The following SMURF1 variants were observed in gnomAD, a reference collection of about 807,000 sequenced individuals.
The protein encoded by SMURF1 is E3 ubiquitin-protein ligase SMURF1.
Under a neutral mutation model 98.0 loss-of-function variants are expected in SMURF1, and 44 were observed. The observed-to-expected ratio is 0.45, with a 90% CI of 0.35 to 0.58. The LOEUF (loss-of-function observed/expected upper bound fraction) is 0.58. Ranked by LOEUF, SMURF1 falls within the 20% of genes least tolerant of loss-of-function variation. SMURF1 has a pLI of 0.00. For synonymous variants in SMURF1, 396 were observed against 374.9 expected (o/e 1.06, Z -0.65); for missense variants, 687 against 938.4 (o/e 0.73, Z 3.50).
At chr7:99,079,345 G>C (rs991314404) in intron 1 of SMURF1, among the ~76,000 whole-genome samples, 1 of 152,196 alleles carries the variant, frequency 6.6e-6, no homozygotes, top group African/African-American at 2.4e-5. Flanking sequence ...AGAACACAGC[G>C]TGTCCGGTAC....
chr7:99,080,480 G>A (rs1796556596), intron 1 of SMURF1, among the ~76,000 whole-genome samples: 1 of 152,086 alleles, frequency 6.6e-6, no homozygotes, highest in Non-Finnish European at 1.5e-5. Flanking sequence ...TGTATTTTTA[G>A]TAGAGATGGG....
intron 1 of SMURF1, among the ~76,000 whole-genome samples, chr7:99,116,640 A>G (rs1797462158): frequency 6.6e-6 from 1 of 152,248 alleles, no homozygotes; most frequent in Non-Finnish European, 1.5e-5. Flanking sequence ...TAAAATACTT[A>G]GAAATAAACT....
intron 9 of SMURF1, 94 bp from the exon 10 acceptor site, chr7:99,047,976 G>A (rs1795637388): frequency 3.5e-6 from 4 of 1,140,906 alleles, no homozygotes; most frequent in East Asian, 4.7e-5. Flanking sequence ...GAGAGAGCTA[G>A]CTGCACACAA....
chr7:99,104,488 G>T (rs989840195), intron 1 of SMURF1, among the ~76,000 whole-genome samples: 1 of 152,082 alleles, frequency 6.6e-6, no homozygotes, highest in Non-Finnish European at 1.5e-5. Context: ...GTGATCTTGG[G>T]CAAGAGTCAA....
At chr7:99,079,060 C>G (rs1428952673) in intron 1 of SMURF1, among the ~76,000 whole-genome samples, 1 of 152,186 alleles carries the variant, frequency 6.6e-6, no homozygotes, top group Non-Finnish European at 1.5e-5. Context: ...ATGACACAGC[C>G]ACCCTCAGGC....
intron 13 of SMURF1, among the ~76,000 whole-genome samples, chr7:99,039,058 T>C (rs1229300960): frequency 1.3e-5 from 2 of 151,662 alleles, no homozygotes; most frequent in Admixed American, 6.6e-5. Flanking sequence ...CCAGGTGTGG[T>C]GGCAGGCGCC....
At chr7:99,113,558 C>A (rs556071000) in intron 1 of SMURF1, among the ~76,000 whole-genome samples, 1 of 151,920 alleles carries the variant, frequency 6.6e-6, no homozygotes, top group Non-Finnish European at 1.5e-5. Context: ...GAACATTAGA[C>A]GGCTGGGAGC....
intron 10 of SMURF1, 99 bp downstream of exon 10, chr7:99,047,585 T>G (rs1470581410): frequency 7.8e-6 from 10 of 1,281,984 alleles, no homozygotes; most frequent in Non-Finnish European, 1.1e-5. Flanking sequence ...GCAGTTCATT[T>G]AAAGCAGCCC....
At chr7:99,072,316 T>C (rs540130350) in intron 1 of SMURF1, among the ~76,000 whole-genome samples, 9 of 152,188 alleles carry the variant, frequency 5.9e-5, no homozygotes, top group Admixed American at 3.3e-4. Context: ...AGTCAACATT[T>C]CCAACCGAGG....
At chr7:99,129,153 CAT>C (rs1369322803) in intron 1 of SMURF1, among the ~76,000 whole-genome samples, 5 of 152,154 alleles carry the variant, frequency 3.3e-5, no homozygotes, top group South Asian at 2.1e-4. Flanking sequence ...CACATTTTTT[CAT>C]ATGTTTTGAA....
intron 1 of SMURF1, among the ~76,000 whole-genome samples, chr7:99,106,527 A>C (rs2150597318): frequency 6.6e-6 from 1 of 152,234 alleles, no homozygotes; most frequent in East Asian, 1.9e-4. Flanking sequence ...CACATGAACT[A>C]CAAGGAAAAG....
Position 99,028,165 on chromosome 7 carries a change from AC to A in SMURF1, c.*2418del, listed in dbSNP as rs953294714. On this transcript the variant is annotated 3_prime_UTR_variant, in exon 18 of 18. Coordinates refer to ENST00000361368, the MANE Select transcript of SMURF1 (RefSeq NM_181349.3). ...CACCGAGAGGGGCAACACAGATCACACGTGAGTGGGCTTCGCGCGGACCCAA... is the reference window on the plus strand; with the variant it reads ...CACCGAGAGGGGCAACACAGATCACAGTGAGTGGGCTTCGCGCGGACCCAA... 1 of 152,744 alleles carries A rather than the reference AC, an allele frequency of 6.5e-6. No homozygotes were observed. The highest frequency in any genetic ancestry group is 1.5e-5 in the Non-Finnish European group (1 of 68,142). 9.5% of individuals were successfully genotyped at this position (152,744 alleles called of 1,614,324 possible). A position where few individuals can be genotyped will look rare whatever the true frequency, so the allele number is the denominator to read the frequency against.
chr7:99,139,187 A>C (rs1289804698), intron 1 of SMURF1, among the ~76,000 whole-genome samples: 1 of 152,222 alleles, frequency 6.6e-6, no homozygotes, highest in Non-Finnish European at 1.5e-5. Context: ...AACCAACATC[A>C]TCAACAGCTA....
At chr7:99,042,036 C>G (rs1253901867) in intron 12 of SMURF1, 82 bp downstream of exon 12, 1 of 1,130,620 alleles carries the variant, frequency 8.8e-7, no homozygotes, top group Non-Finnish European at 1.3e-6. Context: ...AACAAATAGA[C>G]CAAGGACTGA....
At chr7:99,116,986 T>C (rs969661727) in intron 1 of SMURF1, among the ~76,000 whole-genome samples, 7 of 152,064 alleles carry the variant, frequency 4.6e-5, no homozygotes, top group Non-Finnish European at 1.0e-4. Flanking sequence ...GGTACTGGCA[T>C]AAGGAGAGAC....
At chr7:99,121,751 T>C (rs1380495105) in intron 1 of SMURF1, among the ~76,000 whole-genome samples, 6 of 152,194 alleles carry the variant, frequency 3.9e-5, no homozygotes, top group Non-Finnish European at 8.8e-5. Flanking sequence ...AAATTTTCAC[T>C]AAAACCTCTT....
At position 99,132,699 on chromosome 7, in the gene SMURF1, G is replaced by GACACACACAC. The variant is rs113194877; in HGVS notation, c.55+11017_55+11026dup. ...TATTATAACATCACACAGACACACG[G>GACACACACAC]ACACACACACACACACACACACACA... On this transcript the variant is annotated intron_variant, in intron 1 of 17. Coordinates refer to ENST00000361368, the MANE Select transcript of SMURF1 (RefSeq NM_181349.3). Among the ~76,000 whole-genome samples the GACACACACAC allele has an allele frequency of 4.4e-4, 65 of 147,400 alleles. 1 individual carries two copies. The highest frequency in any genetic ancestry group is 1.2e-3 in the African/African-American group (46 of 39,926).
At chr7:99,037,602 G>A (rs754610763) in intron 14 of SMURF1, among the ~76,000 whole-genome samples, 2 of 152,142 alleles carry the variant, frequency 1.3e-5, no homozygotes, top group Non-Finnish European at 2.9e-5. Context: ...CCCACTCCCC[G>A]GATCTCTCCA....
intron 1 of SMURF1, among the ~76,000 whole-genome samples, chr7:99,068,897 G>A (rs995367938): frequency 3.9e-5 from 6 of 152,000 alleles, no homozygotes; most frequent in African/African-American, 1.5e-4. Flanking sequence ...CAGGGTCCAG[G>A]CCAGGCATTT....
Sources: allele counts gnomAD v4.1 joint callset (sites outside exome capture counted in the v4.1 genomes callset), GRCh38; gene constraint gnomAD v4.1.1; transcripts MANE v1.5; gene names NCBI Gene and HGNC (gene_info 2026-07-23, HGNC 2026-07-21).